The following SOX5 variants were observed in gnomAD, a reference collection of about 807,000 sequenced individuals.
The protein encoded by SOX5 is SRY-box transcription factor 5, also known as transcription factor SOX-5.
A neutral mutation model predicts 92.0 loss-of-function variants in SOX5; 9 were observed. The observed-to-expected ratio is 0.10, with a 90% CI of 0.06 to 0.17. SOX5 has a LOEUF of 0.17. Among genes scored for constraint, SOX5 ranks in the 10% least tolerant of loss-of-function variants. The pLI is 1.00. For missense variants in SOX5, 642 were observed against 944.5 expected, an observed-to-expected ratio of 0.68 and a Z score of 4.20; for synonymous variants, 344 against 336.3, an observed-to-expected ratio of 1.02 and a Z score of -0.25.
intron 4 of SOX5, among the ~76,000 whole-genome samples, chr12:24,203,692 A>T (rs1350311978): frequency 6.6e-6 from 1 of 152,192 alleles, no homozygotes; most frequent in Non-Finnish European, 1.5e-5. Context: ...CCTGTAAAAA[A>T]TTGAATCACT....
chr12:23,658,860 T>C (rs893456551), intron 7 of SOX5, among the ~76,000 whole-genome samples: 3 of 152,148 alleles, frequency 2.0e-5, no homozygotes, highest in African/African-American at 7.2e-5. Flanking sequence ...GCCATTGCAC[T>C]CCAGCCTGGG....
chr12:23,793,958 C>G (rs962096097), intron 3 of SOX5, among the ~76,000 whole-genome samples: 2 of 152,154 alleles, frequency 1.3e-5, no homozygotes, highest in African/African-American at 4.8e-5. Flanking sequence ...AGGTCTGTTA[C>G]CATCACAGGG....
At chr12:24,088,496 T>C (rs1325131238) in intron 4 of SOX5, among the ~76,000 whole-genome samples, 1 of 152,036 alleles carries the variant, frequency 6.6e-6, no homozygotes, top group Non-Finnish European at 1.5e-5. Context: ...AAAATATTGA[T>C]TGGTGAACAA....
intron 6 of SOX5, among the ~76,000 whole-genome samples, chr12:23,705,583 T>A (rs892135112): frequency 6.6e-6 from 1 of 152,034 alleles, no homozygotes; most frequent in Non-Finnish European, 1.5e-5. Context: ...AAAGGAAAGA[T>A]CTGATGGGCT....
intron 2 of SOX5, among the ~76,000 whole-genome samples, chr12:24,330,397 C>A (rs1262094250): frequency 1.3e-5 from 2 of 152,110 alleles, no homozygotes; most frequent in Non-Finnish European, 2.9e-5. Flanking sequence ...GTGATCTGGG[C>A]CCATGGACAG....
At chr12:24,538,598 A>AACACACACACACACACAC in intron 1 of SOX5, among the ~76,000 whole-genome samples, 2 of 143,852 alleles carry the variant, frequency 1.4e-5, no homozygotes, top group South Asian at 4.7e-4. Context: ...GCTGGATCTA[A>AACACACACACACACACAC]ACACACACAC....
chr12:23,591,769 C>T (rs1951594942), intron 9 of SOX5, among the ~76,000 whole-genome samples: 1 of 152,076 alleles, frequency 6.6e-6, no homozygotes, highest in South Asian at 2.1e-4. Context: ...GTATAGAAAA[C>T]ACAAATCTGT....
chr12:23,585,207 T>G (rs1950557238), intron 9 of SOX5, among the ~76,000 whole-genome samples: 2 of 152,198 alleles, frequency 1.3e-5, no homozygotes, highest in African/African-American at 4.8e-5. Flanking sequence ...AATGTATCCC[T>G]CCATATTTAA....
chr12:24,487,828 TCA>T (rs1946668663), intron 1 of SOX5, among the ~76,000 whole-genome samples: 1 of 152,120 alleles, frequency 6.6e-6, no homozygotes, highest in Non-Finnish European at 1.5e-5. Context: ...ACCATCAGGT[TCA>T]TAGTACCCAG....
At chr12:24,332,888 G>A (rs1481179657) in intron 2 of SOX5, among the ~76,000 whole-genome samples, 1 of 152,074 alleles carries the variant, frequency 6.6e-6, no homozygotes, top group Non-Finnish European at 1.5e-5. Context: ...AATAAACATT[G>A]TAAACTGTGA....
chr12:24,292,865 C>T (rs545563820), intron 2 of SOX5, among the ~76,000 whole-genome samples: 1 of 152,306 alleles, frequency 6.6e-6, no homozygotes, highest in African/African-American at 2.4e-5. Context: ...TTCCACTACC[C>T]GCGTACTTCA....
intron 4 of SOX5, among the ~76,000 whole-genome samples, chr12:24,178,265 T>TTCC (rs1555160068): frequency 8.6e-6 from 1 of 116,368 alleles, no homozygotes; most frequent in South Asian, 2.6e-4. Context: ...TTTTTTTTTT[T>TTCC]CCCATTTAAG....
At chr12:24,065,277 G>T (rs928654661) in intron 4 of SOX5, among the ~76,000 whole-genome samples, 1 of 152,144 alleles carries the variant, frequency 6.6e-6, no homozygotes, top group Non-Finnish European at 1.5e-5. Flanking sequence ...AGGGAAAATT[G>T]CAGGAGAGAG....
intron 2 of SOX5, among the ~76,000 whole-genome samples, chr12:23,860,468 C>A (rs1239703262): frequency 6.6e-6 from 1 of 152,072 alleles, no homozygotes; most frequent in Non-Finnish European, 1.5e-5. Flanking sequence ...TTGACAAAAA[C>A]AGATTTGTTA....
chr12:24,269,682 T>C lies in SOX5; in HGVS notation c.-77+7534A>G, dbSNP rs573735584. Reference sequence around the variant, plus strand: ...CTATCCTTTATCACATTTCTTTATTTTTATTCTTTTTTTTTTTTTTTTTTT... The same window carrying C: ...CTATCCTTTATCACATTTCTTTATTCTTATTCTTTTTTTTTTTTTTTTTTT... On this transcript the variant is annotated intron_variant, in intron 3 of 4. Coordinates refer to the SOX5 transcript ENST00000446891. Among the ~76,000 whole-genome samples the C allele has an allele frequency of 2.5e-4, 35 of 138,216 alleles. No homozygotes were observed. In the East Asian group the frequency reaches 7.8e-3, roughly 31 times the overall value. 90.7% of individuals were successfully genotyped at this position (138,216 alleles called of 152,430 possible).
intron 3 of SOX5, among the ~76,000 whole-genome samples, chr12:24,261,650 C>T (rs1446136126): frequency 1.3e-5 from 2 of 152,190 alleles, no homozygotes; most frequent in African/African-American, 4.8e-5. Flanking sequence ...AATTTAATGA[C>T]CTGAAATTGA....
At chr12:24,300,453 T>G (rs547308721) in intron 2 of SOX5, among the ~76,000 whole-genome samples, 1 of 152,328 alleles carries the variant, frequency 6.6e-6, no homozygotes, top group South Asian at 2.1e-4. Flanking sequence ...TGAGCTATTT[T>G]GGACTCAAAT....
intron 5 of SOX5, among the ~76,000 whole-genome samples, chr12:23,738,691 G>A (rs370715163): frequency 2.6e-5 from 4 of 152,226 alleles, no homozygotes; most frequent in African/African-American, 9.6e-5. Flanking sequence ...GATCTTTCAG[G>A]ACATGTGTGC....
At chr12:24,180,924 G>C (rs1955426630) in intron 4 of SOX5, among the ~76,000 whole-genome samples, 1 of 152,174 alleles carries the variant, frequency 6.6e-6, no homozygotes. Flanking sequence ...ATGTGAATTT[G>C]TAGTTGAATT....
Sources: allele counts gnomAD v4.1 joint callset (sites outside exome capture counted in the v4.1 genomes callset), GRCh38; gene constraint gnomAD v4.1.1; transcripts MANE v1.5; gene names NCBI Gene and HGNC (gene_info 2026-07-23, HGNC 2026-07-21).